Variants in IFT56 observed in about 807,000 individuals in gnomAD.
The protein encoded by IFT56 is intraflagellar transport protein 56.
chr7:139,145,585 C>T, the IFT56 span, among the ~76,000 whole-genome samples: 142 of 152,052 alleles, frequency 9.3e-4, no homozygotes, highest in African/African-American at 2.6e-3. Flanking sequence ...CTGCCATGCC[C>T]AGCCAATTTT....
the IFT56 span, chr7:139,181,180 T>G: frequency 1.2e-6 from 2 of 1,611,072 alleles, no homozygotes; most frequent in African/African-American, 2.7e-5. Context: ...TACAGCTCAT[T>G]GCTAATGACT....
At chr7:139,167,911 A>C in the IFT56 span, among the ~76,000 whole-genome samples, 1 of 151,148 alleles carries the variant, frequency 6.6e-6, no homozygotes, top group East Asian at 1.9e-4. Flanking sequence ...ACTGTACTCC[A>C]GCCTGGGCGA....
the IFT56 span, among the ~76,000 whole-genome samples, chr7:139,160,330 A>ACC: frequency 2.0e-5 from 3 of 152,216 alleles, no homozygotes; most frequent in African/African-American, 7.2e-5. Flanking sequence ...TTAGTTCGTT[A>ACC]ATCACCTTTG....
chr7:139,173,692 A>T, the IFT56 span: 3 of 771,706 alleles, frequency 3.9e-6, no homozygotes, highest in Non-Finnish European at 7.3e-6. Context: ...GCATAGCATG[A>T]TGGTGACGAG....
At chr7:139,157,139 CTTTTT>C in the IFT56 span, among the ~76,000 whole-genome samples, 1 of 82,090 alleles carries the variant, frequency 1.2e-5, no homozygotes, top group East Asian at 3.4e-4. Context: ...TCTTTAATTT[CTTTTT>C]TTTTTTTTTT....
the IFT56 span, among the ~76,000 whole-genome samples, chr7:139,184,448 T>C: frequency 2.0e-5 from 3 of 152,166 alleles, no homozygotes; most frequent in Non-Finnish European, 4.4e-5. Flanking sequence ...GCCAGTTTCA[T>C]AGGGTCCCAT....
the IFT56 span, among the ~76,000 whole-genome samples, chr7:139,154,749 T>C: frequency 1.3e-5 from 2 of 152,282 alleles, no homozygotes; most frequent in South Asian, 4.1e-4. Flanking sequence ...GAGCAAGTTT[T>C]GAAATCAGGA....
chr7:139,148,374 T>C, the IFT56 span: 3 of 1,606,914 alleles, frequency 1.9e-6, no homozygotes, highest in Non-Finnish European at 2.6e-6. Context: ...GCAGAGCAGC[T>C]GAGGTATTGA....
the IFT56 span, among the ~76,000 whole-genome samples, chr7:139,147,656 T>C: frequency 6.6e-6 from 1 of 152,224 alleles, no homozygotes. Context: ...TTGGGGGTAA[T>C]ACTGATATTA....
At chr7:139,154,411 T>C in the IFT56 span, among the ~76,000 whole-genome samples, 4 of 151,874 alleles carry the variant, frequency 2.6e-5, no homozygotes, top group East Asian at 7.7e-4. Flanking sequence ...TAAGATTCCA[T>C]TGCCAAGTCC....
chr7:139,173,304 T>A, the IFT56 span: 5 of 414,900 alleles, frequency 1.2e-5, no homozygotes, highest in South Asian at 1.4e-4. Context: ...CTCGGCTCAC[T>A]GCAACCTCTG....
the IFT56 span, chr7:139,168,492 C>T: frequency 7.8e-5 from 63 of 811,676 alleles, no homozygotes; most frequent in Non-Finnish European, 1.1e-4. Flanking sequence ...GCAATAGGCT[C>T]TCCTGTAGCT....
chr7:139,182,629 T>C, the IFT56 span, among the ~76,000 whole-genome samples: 12 of 152,204 alleles, frequency 7.9e-5, no homozygotes, highest in Admixed American at 1.3e-4. Context: ...CCGTAGTTAG[T>C]GGTGGTAGTA....
chr7:139,145,057 ATTTACT>A, the IFT56 span, among the ~76,000 whole-genome samples: 8 of 152,116 alleles, frequency 5.3e-5, no homozygotes, highest in Non-Finnish European at 1.2e-4. Flanking sequence ...AGGATTTAGA[ATTTACT>A]TTTACTTCTG....
chr7:139,164,273 A>G, the IFT56 span, among the ~76,000 whole-genome samples: 2 of 152,208 alleles, frequency 1.3e-5, no homozygotes, highest in Non-Finnish European at 2.9e-5. Context: ...TGCTCATTTA[A>G]TCCTCATAAT....
chr7:139,184,297 A>T, the IFT56 span, among the ~76,000 whole-genome samples: 1 of 152,200 alleles, frequency 6.6e-6, no homozygotes, highest in Non-Finnish European at 1.5e-5. Flanking sequence ...GTGTGGCGTC[A>T]TCAGTTTCAC....
chr7:139,174,180 C>G, the IFT56 span: 1 of 593,400 alleles, frequency 1.7e-6, no homozygotes, highest in Non-Finnish European at 3.3e-6. Context: ...CCCACTTATC[C>G]CAGCTTCTGT....
the IFT56 span, chr7:139,179,579 C>T: frequency 6.2e-7 from 1 of 1,613,912 alleles, no homozygotes; most frequent in Non-Finnish European, 8.5e-7. Context: ...TGCAGGCGTT[C>T]CTCTTGATCC....
chr7:139,148,154 C>A, the IFT56 span: 2 of 1,509,744 alleles, frequency 1.3e-6, no homozygotes, highest in Non-Finnish European at 1.8e-6. Flanking sequence ...TGTAATTTGA[C>A]ATTTCCGTGA....
Sources: gnomAD v4.1 joint callset for allele counts (sites outside exome capture counted in the v4.1 genomes callset) on GRCh38, gnomAD v4.1.1 for gene constraint, MANE v1.5 for transcripts, NCBI Gene and HGNC (gene_info 2026-07-23, HGNC 2026-07-21) for gene names.